DDX10: variants seen among roughly 807,000 people sequenced by gnomAD.
The protein encoded by DDX10 is probable ATP-dependent RNA helicase DDX10.
DDX10 carries 74 observed loss-of-function variants against 104.3 expected under a neutral mutation model. The ratio of observed to expected loss-of-function variants is 0.71; its 90% CI spans 0.59 to 0.86. DDX10 has a LOEUF of 0.86. Among genes scored for constraint, DDX10 ranks in the 40% least tolerant of loss-of-function variants. DDX10 has a pLI of 0.00. For missense variants in DDX10, 952 were observed against 1,040.0 expected (o/e 0.92, Z 1.16); for synonymous variants, 351 against 353.4 (o/e 0.99, Z 0.08).
intron 13 of DDX10, among the ~76,000 whole-genome samples, chr11:108,776,344 C>G (rs2134533073): frequency 6.6e-6 from 1 of 152,298 alleles, no homozygotes; most frequent in South Asian, 2.1e-4. Context: ...GAGGATTATA[C>G]AGATATCTGA....
At chr11:108,889,382 T>G (rs1565309978) in intron 16 of DDX10, among the ~76,000 whole-genome samples, 1 of 152,172 alleles carries the variant, frequency 6.6e-6, no homozygotes, top group Non-Finnish European at 1.5e-5. Flanking sequence ...ATGAAAGGTA[T>G]TATTCTTTTA....
intron 13 of DDX10, among the ~76,000 whole-genome samples, chr11:108,838,148 A>G (rs997994550): frequency 6.6e-6 from 1 of 151,242 alleles, no homozygotes; most frequent in African/African-American, 2.5e-5. Context: ...CATTTATTAT[A>G]TTATGTAATT....
At chr11:108,854,224 G>T (rs983851044) in intron 16 of DDX10, among the ~76,000 whole-genome samples, 1 of 152,172 alleles carries the variant, frequency 6.6e-6, no homozygotes, top group Non-Finnish European at 1.5e-5. Context: ...GGCTTTTGAG[G>T]TACCTTTTGG....
chr11:108,900,790 G>T (rs1863507273), intron 16 of DDX10, among the ~76,000 whole-genome samples: 1 of 152,124 alleles, frequency 6.6e-6, no homozygotes, highest in Admixed American at 6.5e-5. Context: ...TAATAATCCT[G>T]CTTCCCAAGC....
At chr11:108,902,323 G>A (rs990365179) in intron 16 of DDX10, among the ~76,000 whole-genome samples, 1 of 152,174 alleles carries the variant, frequency 6.6e-6, no homozygotes, top group Non-Finnish European at 1.5e-5. Flanking sequence ...TACAAGCTAT[G>A]TTTGAGCATT....
intron 13 of DDX10, among the ~76,000 whole-genome samples, chr11:108,788,321 G>A (rs1415077566): frequency 6.6e-6 from 1 of 152,112 alleles, no homozygotes; most frequent in African/African-American, 2.4e-5. Context: ...GGTGTTTACA[G>A]AGGATCATGA....
intron 16 of DDX10, among the ~76,000 whole-genome samples, chr11:108,901,227 C>G (rs1863512859): frequency 6.6e-6 from 1 of 152,118 alleles, no homozygotes; most frequent in South Asian, 2.1e-4. Flanking sequence ...TTTGGTTTTT[C>G]TTTGTATTCC....
intron 15 of DDX10, among the ~76,000 whole-genome samples, chr11:108,851,736 G>C (rs545368993): frequency 6.6e-6 from 1 of 151,028 alleles, no homozygotes; most frequent in Non-Finnish European, 1.5e-5. Flanking sequence ...TTCTAAAGAA[G>C]CTCTTTGATA....
rs184385926 is a variant in DDX10 at position 108,766,998 on chromosome 11, A to G, written c.1965+43536A>G. Among the ~76,000 whole-genome samples, 145 of 152,276 alleles carry G rather than the reference A, an allele frequency of 9.5e-4. 2 individuals carry two copies. The highest frequency in any genetic ancestry group is 3.4e-3 in the African/African-American group (141 of 41,566). On this transcript the variant is annotated intron_variant, in intron 13 of 17. Transcript: ENST00000322536. ...AATAGATGCTAATTGATGTCTTTTA[A>G]GTGGTTGTTGGGGCAAGGGACTCTT...
rs957244857 is a variant in DDX10 at position 108,742,480 on chromosome 11, G to A, written c.1965+19018G>A. On this transcript the variant is annotated intron_variant, in intron 13 of 17. Transcript: ENST00000322536. ...CTCAGGAGGCTGAGGCAGGAGAATCGCTTGAACCTGGGAGGTGGAGGTTGC... is the reference window on the plus strand; with the variant it reads ...CTCAGGAGGCTGAGGCAGGAGAATCACTTGAACCTGGGAGGTGGAGGTTGC... 5.9e-5 allele frequency among the ~76,000 whole-genome samples: 9 copies of A among 151,912 alleles called. 1 individual carries two copies. The South Asian group carries it at 1.5e-3, about 25-fold the overall frequency.
intron 16 of DDX10, among the ~76,000 whole-genome samples, chr11:108,913,238 G>A (rs1341866854): frequency 6.6e-6 from 1 of 151,882 alleles, no homozygotes; most frequent in Non-Finnish European, 1.5e-5. Context: ...ATCAGTATCT[G>A]TAAGATGTAC....
At chr11:108,782,298 A>C (rs1420391253) in intron 13 of DDX10, among the ~76,000 whole-genome samples, 3 of 152,296 alleles carry the variant, frequency 2.0e-5, no homozygotes, top group South Asian at 4.1e-4. Flanking sequence ...TTCAGAGAAA[A>C]CACAGCCTCA....
intron 16 of DDX10, among the ~76,000 whole-genome samples, chr11:108,914,807 ATGTTC>A (rs1363372362): frequency 1.4e-5 from 2 of 146,370 alleles, no homozygotes; most frequent in Non-Finnish European, 3.0e-5. Context: ...GAATGGAAAA[ATGTTC>A]TGAGCAGGGA....
chr11:108,814,886 CAGTTT>C, intron 13 of DDX10, among the ~76,000 whole-genome samples: 1 of 152,230 alleles, frequency 6.6e-6, no homozygotes, highest in East Asian at 1.9e-4. Context: ...AAGAAACTGA[CAGTTT>C]AATGATATAG....
chr11:108,802,100 A>T (rs1305001200), intron 13 of DDX10, among the ~76,000 whole-genome samples: 6 of 151,578 alleles, frequency 4.0e-5, no homozygotes, highest in Non-Finnish European at 8.8e-5. Flanking sequence ...AAAACTCAGG[A>T]GTATGTGTGG....
chr11:108,690,570 G>A (rs1176535929), intron 7 of DDX10: 3 of 155,662 alleles, frequency 1.9e-5, no homozygotes, highest in Non-Finnish European at 4.3e-5. Context: ...TCAAATGGCA[G>A]TGGCTACCTC....
chr11:108,772,589 C>T (rs960884541), intron 13 of DDX10, among the ~76,000 whole-genome samples: 2 of 152,224 alleles, frequency 1.3e-5, no homozygotes, highest in Non-Finnish European at 2.9e-5. Flanking sequence ...GCTTCTAGAA[C>T]TTAAAATAAA....
At chr11:108,914,317 A>G (rs138812220) in intron 16 of DDX10, among the ~76,000 whole-genome samples, 1 of 152,216 alleles carries the variant, frequency 6.6e-6, no homozygotes, top group Admixed American at 6.5e-5. Flanking sequence ...TATTCTGCTC[A>G]AAGTGTCAGA....
At chr11:108,800,564 A>C (rs546791598) in intron 13 of DDX10, among the ~76,000 whole-genome samples, 4 of 152,044 alleles carry the variant, frequency 2.6e-5, no homozygotes, top group Non-Finnish European at 5.9e-5. Context: ...ACCTGCCTAG[A>C]ATAGAGTTAA....
Sources: allele counts gnomAD v4.1 joint callset (sites outside exome capture counted in the v4.1 genomes callset), GRCh38; gene constraint gnomAD v4.1.1; transcripts MANE v1.5; gene names NCBI Gene and HGNC (gene_info 2026-07-23, HGNC 2026-07-21).